The following TBC1D4 variants were observed in gnomAD, a reference collection of about 807,000 sequenced individuals.
TBC1D4 encodes the protein TBC (Tre-2, BUB2, CDC16) domain-containing protein.
A neutral mutation model predicts 142.5 loss-of-function variants in TBC1D4; 121 were observed. The observed-to-expected ratio is 0.85, with a 90% CI of 0.73 to 0.99. The LOEUF (loss-of-function observed/expected upper bound fraction) is 0.99, where lower values mean the gene tolerates loss of function less well. Among genes scored for constraint, TBC1D4 ranks in the 50% least tolerant of loss-of-function variants. The probability of loss-of-function intolerance (pLI) is 0.00; values close to 1 mark genes in which losing one functional copy is unlikely to be tolerated. For synonymous variants in TBC1D4, 630 were observed against 628.2 expected, an observed-to-expected ratio of 1.00 and a Z score of -0.04; for missense variants, 1,475 against 1,606.6, an observed-to-expected ratio of 0.92 and a Z score of 1.40.
At chr13:75,393,155 A>ACACACACT (rs397851536) in intron 1 of TBC1D4, among the ~76,000 whole-genome samples, 1 of 125,704 alleles carries the variant, frequency 8.0e-6, no homozygotes, top group African/African-American at 4.5e-5. Flanking sequence ...ACACACACAC[A>ACACACACT]CTCAGTCTTT....
At chr13:75,391,032 CCACACACACACACACA>C (rs71127539) in intron 1 of TBC1D4, among the ~76,000 whole-genome samples, 209 of 136,762 alleles carry the variant, frequency 1.5e-3, no homozygotes, top group East Asian at 4.7e-3. Context: ...TATTCCCCCA[CCACACACACACACACA>C]CACACACACA....
intron 1 of TBC1D4, among the ~76,000 whole-genome samples, chr13:75,395,402 G>C (rs1321516130): frequency 6.6e-6 from 1 of 152,174 alleles, no homozygotes; most frequent in African/African-American, 2.4e-5. Context: ...CACAATATGA[G>C]ATCCATTCCT....
chr13:75,343,081 A>AT (rs1880844894), intron 5 of TBC1D4, among the ~76,000 whole-genome samples: 2 of 152,224 alleles, frequency 1.3e-5, no homozygotes, highest in Non-Finnish European at 2.9e-5. Context: ...AAAATAATGT[A>AT]TTAGTCTATA....
chr13:75,416,105 G>A (rs1402614425), intron 1 of TBC1D4, among the ~76,000 whole-genome samples: 2 of 152,140 alleles, frequency 1.3e-5, no homozygotes, highest in Admixed American at 6.5e-5. Context: ...AATCAAAATA[G>A]CTATTCTGAG....
intron 15 of TBC1D4, among the ~76,000 whole-genome samples, chr13:75,304,589 C>CG (rs1037609343): frequency 3.9e-5 from 6 of 151,946 alleles, no homozygotes; most frequent in Non-Finnish European, 7.4e-5. Flanking sequence ...TGATTTTGGT[C>CG]GGGGGGCAGG....
In TBC1D4 at chr13:75,286,375, T is replaced by C. The variant is rs1314161348; in HGVS notation, c.*417A>G. 1.2e-5 allele frequency: 2 copies of C among 165,002 alleles called. No individual in the cohort carries two copies. The highest frequency in any genetic ancestry group is 2.4e-5 in the African/African-American group (1 of 41,538). 10.2% of individuals were successfully genotyped at this position (165,002 alleles called of 1,614,324 possible). A position where few individuals can be genotyped will look rare whatever the true frequency, so the allele number is the denominator to read the frequency against. ...AAAATACATTCATTTTTTTCAAGTA[T>C]ATTGCAATATACAAAGATGCTCTGG... On this transcript the variant is annotated 3_prime_UTR_variant, in exon 21 of 21. Coordinates refer to ENST00000377636, the MANE Select transcript of TBC1D4 (RefSeq NM_014832.5).
chr13:75,408,091 C>T lies in TBC1D4; in HGVS notation c.499-45484G>A, dbSNP rs1018137185. ...AGCACCCCAGAAAGAACCCTGTACC[C>T]GTCACCAATCGCACCTCCATATCTG... On this transcript the variant is annotated intron_variant, in intron 1 of 20. Coordinates refer to ENST00000377636, the MANE Select transcript of TBC1D4 (RefSeq NM_014832.5). 3.9e-5 allele frequency among the ~76,000 whole-genome samples: 6 copies of T among 152,244 alleles called. No individual in the cohort carries two copies. The South Asian group carries it at 6.2e-4, about 16-fold the overall frequency.
At chr13:75,307,543 T>A (rs995991201) in intron 14 of TBC1D4, among the ~76,000 whole-genome samples, 1 of 152,212 alleles carries the variant, frequency 6.6e-6, no homozygotes, top group Non-Finnish European at 1.5e-5. Flanking sequence ...CAATCTGTAT[T>A]CATGCATGCT....
Position 75,384,580 on chromosome 13 carries a change from TA to T in TBC1D4, c.499-21974del, listed in dbSNP as rs35473850. Reference sequence around the variant, plus strand: ...ATAAAGGAAAAAAAAAAAGTTTCTTTAAAAAAAAAAAAAAGGTTGCCACCGC... The same window carrying T: ...ATAAAGGAAAAAAAAAAAGTTTCTTTAAAAAAAAAAAAAGGTTGCCACCGC... On this transcript the variant is annotated intron_variant, in intron 1 of 20. Transcript: ENST00000377636. Among the ~76,000 whole-genome samples the T allele has an allele frequency of 3.5e-3, 489 of 139,686 alleles. 1 individual carries two copies. Among genetic ancestry groups the T allele is most frequent in the Admixed American group, 8.3e-3 (116 of 13,906 alleles). The allele number at this position is 139,686 out of a possible 152,430, so 91.6% of individuals were successfully genotyped here.
intron 8 of TBC1D4, among the ~76,000 whole-genome samples, chr13:75,331,651 A>T (rs1334079067): frequency 2.0e-5 from 3 of 152,166 alleles, no homozygotes; most frequent in African/African-American, 7.2e-5. Flanking sequence ...TTGCTAATTC[A>T]TGTGTCAGGC....
intron 5 of TBC1D4, among the ~76,000 whole-genome samples, chr13:75,348,872 C>T (rs549133782): frequency 1.3e-5 from 2 of 151,766 alleles, no homozygotes; most frequent in African/African-American, 4.8e-5. Flanking sequence ...GTCTTAAAAA[C>T]TGTGGGAAAT....
chr13:75,456,537 TG>T, intron 1 of TBC1D4, among the ~76,000 whole-genome samples: 1 of 152,146 alleles, frequency 6.6e-6, no homozygotes. Context: ...CCAATGCATA[TG>T]AAAAGGTGCT....
rs546016885 is a variant in TBC1D4, at chr13:75,321,829, A to G, written c.2199-1792T>C. Among the ~76,000 whole-genome samples, 90 of 152,384 alleles carry G rather than the reference A, an allele frequency of 5.9e-4. No individual in the cohort carries two copies. The South Asian group carries it at 0.018, about 31-fold the overall frequency. ...CACAAGAGAATGGAAAAATTGAGAT[A>G]TATTAAATGGAATACTAAATAGCAA... On this transcript the variant is annotated intron_variant, in intron 11 of 20. Transcript: ENST00000377636.
chr13:75,342,271 T>A (rs1003369190), intron 5 of TBC1D4, among the ~76,000 whole-genome samples: 28 of 151,996 alleles, frequency 1.8e-4, no homozygotes, highest in African/African-American at 6.5e-4. Flanking sequence ...CACTTTACAC[T>A]AACAAACAGC....
At chr13:75,373,827 T>A (rs769902036) in intron 1 of TBC1D4, among the ~76,000 whole-genome samples, 27 of 152,324 alleles carry the variant, frequency 1.8e-4, no homozygotes, top group Admixed American at 5.9e-4. Flanking sequence ...AAGGTATGCT[T>A]CTTTGTTCAT....
chr13:75,314,724 T>C (rs1878119421), intron 12 of TBC1D4, among the ~76,000 whole-genome samples: 1 of 151,412 alleles, frequency 6.6e-6, no homozygotes, highest in African/African-American at 2.4e-5. Context: ...CCCAGCACTT[T>C]GGGAGGCCGA....
chr13:75,354,039 T>G (rs1364747093), intron 4 of TBC1D4, among the ~76,000 whole-genome samples: 1 of 152,148 alleles, frequency 6.6e-6, no homozygotes, highest in Non-Finnish European at 1.5e-5. Flanking sequence ...ACGTGTGGGT[T>G]TCAGTAGCAA....
chr13:75,475,195 T>C (rs1171430906), intron 1 of TBC1D4, among the ~76,000 whole-genome samples: 1 of 152,218 alleles, frequency 6.6e-6, no homozygotes, highest in East Asian at 1.9e-4. Context: ...AACAAGCCAA[T>C]GACATCCTTA....
Position 75,289,115 on chromosome 13 carries a change from C to A in TBC1D4, c.3487-5G>T. The A allele has an allele frequency of 6.2e-7, 1 of 1,613,438 alleles. No homozygotes were observed. Among genetic ancestry groups the A allele is most frequent in the Middle Eastern group, 1.7e-4 (1 of 6,058 alleles). ...AGAAATATCCATCTCAAAAACCTGC[C>A]ATGAAAGTATCATGGGTTAGGCTAG... On this transcript the variant is annotated splice_region_variant and splice_polypyrimidine_tract_variant and intron_variant, in intron 19 of 20. Transcript: ENST00000377636.
Sources: allele counts gnomAD v4.1 joint callset (sites outside exome capture counted in the v4.1 genomes callset), GRCh38; gene constraint gnomAD v4.1.1; transcripts MANE v1.5; gene names NCBI Gene and HGNC (gene_info 2026-07-23, HGNC 2026-07-21).